The following EIF4G3 variants were observed in gnomAD, a reference collection of about 807,000 sequenced individuals.
EIF4G3 encodes eukaryotic translation initiation factor 4 gamma 3.
EIF4G3 carries 34 observed loss-of-function variants against 186.4 expected under a neutral mutation model. The ratio of observed to expected loss-of-function variants is 0.18; its 90% CI spans 0.14 to 0.24. The LOEUF (loss-of-function observed/expected upper bound fraction) is 0.24, where lower values mean the gene tolerates loss of function less well. Among genes scored for constraint, EIF4G3 ranks in the 10% least tolerant of loss-of-function variants. EIF4G3 has a pLI of 1.00. For missense variants in EIF4G3, 1,536 were observed against 1,948.5 expected (o/e 0.79, Z 3.99); for synonymous variants, 673 against 679.5 (o/e 0.99, Z 0.15).
At chr1:20,981,597 GTATACGCACATACTGTATGTATACATA>G in intron 8 of EIF4G3, among the ~76,000 whole-genome samples, 1 of 122,334 alleles carries the variant, frequency 8.2e-6, no homozygotes, top group Middle Eastern at 4.5e-3. Flanking sequence ...ATACATACAT[GTATACGCACATACTGTATGTATACATA>G]CATGTATACG....
intron 29 of EIF4G3, among the ~76,000 whole-genome samples, chr1:20,843,417 T>C (rs1235408467): frequency 6.6e-6 from 1 of 151,920 alleles, no homozygotes; most frequent in African/African-American, 2.4e-5. Flanking sequence ...CTCGGGAGGC[T>C]GAGACAGGAA....
chr1:20,960,029 C>G (rs1227582505), intron 12 of EIF4G3, among the ~76,000 whole-genome samples: 1 of 151,778 alleles, frequency 6.6e-6, no homozygotes, highest in Non-Finnish European at 1.5e-5. Context: ...ATCCAGCAAC[C>G]CCACTACTGG....
intron 14 of EIF4G3, among the ~76,000 whole-genome samples, chr1:20,921,038 T>G (rs894023406): frequency 6.6e-6 from 1 of 152,186 alleles, no homozygotes; most frequent in African/African-American, 2.4e-5. Flanking sequence ...AAAAATTATG[T>G]ATAAATTATA....
intron 33 of EIF4G3, among the ~76,000 whole-genome samples, chr1:20,819,069 A>G (rs1314898295): frequency 1.3e-5 from 2 of 152,146 alleles, no homozygotes; most frequent in South Asian, 2.1e-4. Context: ...ACCCAGCTCC[A>G]TAAGATTTTA....
intron 4 of EIF4G3, among the ~76,000 whole-genome samples, chr1:21,003,333 C>T (rs1020763279): frequency 2.0e-5 from 3 of 151,936 alleles, no homozygotes; most frequent in Non-Finnish European, 2.9e-5. Context: ...CCAAGCTGGT[C>T]TCAAACTCCT....
chr1:20,968,938 A>C (rs1235563316), intron 12 of EIF4G3, among the ~76,000 whole-genome samples: 1 of 152,154 alleles, frequency 6.6e-6, no homozygotes, highest in Non-Finnish European at 1.5e-5. Flanking sequence ...ATACCAAGGG[A>C]TGACTGTAAT....
intron 8 of EIF4G3, 23 bp from the exon 9 acceptor site, chr1:20,981,250 ATT>A (rs35524519): frequency 5.7e-3 from 6,818 of 1,195,550 alleles, no homozygotes; most frequent in South Asian, 0.014. Flanking sequence ...GAAAAAAAAA[ATT>A]TTTTTTTTTT....
intron 33 of EIF4G3, among the ~76,000 whole-genome samples, chr1:20,821,294 C>T (rs2062280980): frequency 1.3e-5 from 2 of 152,218 alleles, no homozygotes; most frequent in Admixed American, 1.3e-4. Flanking sequence ...CAACCTGGCA[C>T]CAGCAAGCTG....
intron 28 of EIF4G3, among the ~76,000 whole-genome samples, chr1:20,850,789 T>C (rs1468943394): frequency 6.6e-6 from 1 of 152,166 alleles, no homozygotes; most frequent in African/African-American, 2.4e-5. Context: ...TCCGAGCAAG[T>C]CCTCTAAGTA....
At chr1:20,913,899 C>T (rs560516967) in intron 14 of EIF4G3, among the ~76,000 whole-genome samples, 14 of 150,532 alleles carry the variant, frequency 9.3e-5, no homozygotes, top group South Asian at 4.2e-4. Context: ...CTCCGCCTCC[C>T]GGGTTCACGC....
chr1:20,952,257 T>A (rs1418655716), intron 12 of EIF4G3, among the ~76,000 whole-genome samples: 1 of 150,796 alleles, frequency 6.6e-6, no homozygotes, highest in African/African-American at 2.4e-5. Flanking sequence ...CAGGTTCAAG[T>A]GATTCCCCTG....
intron 12 of EIF4G3, among the ~76,000 whole-genome samples, chr1:20,961,399 A>T (rs917093687): frequency 6.6e-6 from 1 of 152,096 alleles, no homozygotes; most frequent in Non-Finnish European, 1.5e-5. Flanking sequence ...TAATAATAAT[A>T]ATTTTTATTA....
chr1:20,904,776 T>C (rs1451305490), intron 15 of EIF4G3, 107 bp downstream of exon 15: 1 of 653,178 alleles, frequency 1.5e-6, no homozygotes, highest in Non-Finnish European at 2.5e-6. Flanking sequence ...CTGAGCTTGA[T>C]ATATTAAGTT....
chr1:20,919,548 A>T (rs1000907900), intron 14 of EIF4G3, among the ~76,000 whole-genome samples: 1 of 152,178 alleles, frequency 6.6e-6, no homozygotes, highest in Non-Finnish European at 1.5e-5. Flanking sequence ...AATTTTCTCT[A>T]ATCAATATAT....
chr1:21,139,240 A>G (rs1317992460), intron 2 of EIF4G3, among the ~76,000 whole-genome samples: 1 of 152,218 alleles, frequency 6.6e-6, no homozygotes, highest in African/African-American at 2.4e-5. Context: ...AGAAACTAAA[A>G]GAATATATCC....
rs1570791121 is a variant in EIF4G3 at position 20,810,207 on chromosome 1, T to A, written c.4744+531A>T. On this transcript the variant is annotated intron_variant, in intron 36 of 36. Coordinates refer to ENST00000602326, the MANE Select transcript of EIF4G3 (RefSeq NM_001391906.1). This position sits in a 1 kb window ranked among gnomAD's most constrained non-coding sequence, Gnocchi z 4.1. The stretch of plus-strand genomic sequence containing the variant: ...GTCTCGCTCTGTCGCCAGGCTGGAG[T>A]GCAGTGGCATGCTCTTGGATCACTG... Among the ~76,000 whole-genome samples the A allele has an allele frequency of 6.6e-6, 1 of 151,662 alleles. No homozygotes were observed. Among genetic ancestry groups the A allele is most frequent in the African/African-American group, 2.4e-5 (1 of 41,260 alleles).
At chr1:21,038,471 C>T (rs546466687) in intron 4 of EIF4G3, among the ~76,000 whole-genome samples, 1 of 152,284 alleles carries the variant, frequency 6.6e-6, no homozygotes, top group African/African-American at 2.4e-5. Flanking sequence ...TAATTTCTTC[C>T]CCTCATTTCT....
At chr1:20,838,182 G>A (rs2067320064) in intron 30 of EIF4G3, among the ~76,000 whole-genome samples, 1 of 152,172 alleles carries the variant, frequency 6.6e-6, no homozygotes, top group Admixed American at 6.5e-5. Context: ...AGGGAGAAAT[G>A]CAAATGTCTG....
At chr1:20,827,456 CAGA>C (rs1327831373) in intron 32 of EIF4G3, among the ~76,000 whole-genome samples, 158 bp downstream of exon 32, 1 of 152,042 alleles carries the variant, frequency 6.6e-6, no homozygotes, top group Non-Finnish European at 1.5e-5. Context: ...TATTAGCAAA[CAGA>C]AGGACAAATG....
Sources: allele counts gnomAD v4.1 joint callset (sites outside exome capture counted in the v4.1 genomes callset), GRCh38; gene constraint gnomAD v4.1.1; non-coding constraint Gnocchi (gnomAD v3.1); transcripts MANE v1.5; gene names NCBI Gene and HGNC (gene_info 2026-07-23, HGNC 2026-07-21).